The following KCNC1 variants were observed in gnomAD, a reference collection of about 807,000 sequenced individuals.
KCNC1 encodes the protein potassium voltage-gated channel subfamily C member 1, also known as voltage-gated potassium channel KCNC1.
KCNC1 carries 8 observed loss-of-function variants against 43.4 expected under a neutral mutation model. The ratio of observed to expected loss-of-function variants is 0.18; its 90% CI spans 0.11 to 0.33. The LOEUF is 0.33. Ranked by LOEUF, KCNC1 falls within the 10% of genes least tolerant of loss-of-function variation. The probability of loss-of-function intolerance (pLI) is 1.00; values close to 1 mark genes in which losing one functional copy is unlikely to be tolerated. For missense variants in KCNC1, 420 were observed against 836.0 expected (o/e 0.50, Z 6.14); for synonymous variants, 361 against 360.5 (o/e 1.00, Z -0.01).
chr11:17,776,193 TTC>T lies in KCNC1; in HGVS notation c.1505-3252_1505-3251del, dbSNP rs1255490668. 7.1e-6 allele frequency: 7 copies of T among 984,978 alleles called. No homozygotes were observed. Among genetic ancestry groups the T allele is most frequent in the African/African-American group, 3.5e-5 (2 of 57,184 alleles). 61.0% of individuals were successfully genotyped at this position (984,978 alleles called of 1,614,324 possible). On this transcript the variant is annotated intron_variant, in intron 2 of 3. Transcript: ENST00000265969. The surrounding 1 kb of genome is among the most constrained non-coding windows in gnomAD (Gnocchi z 4.4). Reference sequence around the variant, plus strand: ...TCCGTGTTGTTCACATTTTCTCTCTTTCTCTCTCTCTCCACTAATCATGTTTC... The same window carrying T: ...TCCGTGTTGTTCACATTTTCTCTCTTTCTCTCTCTCCACTAATCATGTTTC...
Position 17,776,251 on chromosome 11 carries a change from G to A in KCNC1, c.1505-3205G>A, listed in dbSNP as rs896839055. 4.1e-6 allele frequency: 4 copies of A among 985,126 alleles called. No homozygotes were observed. Among genetic ancestry groups the A allele is most frequent in the African/African-American group, 3.5e-5 (2 of 57,126 alleles). 61.0% of individuals were successfully genotyped at this position (985,126 alleles called of 1,614,324 possible). ...CTCTCCTCGTTTTGTTGCATGACTT[G>A]TGCCGGTTCTCGTGATTGTTCCCTG... On this transcript the variant is annotated intron_variant, in intron 2 of 3. Coordinates refer to ENST00000265969, the MANE Select transcript of KCNC1 (RefSeq NM_001112741.2). This position sits in a 1 kb window ranked among gnomAD's most constrained non-coding sequence, Gnocchi z 4.4.
chr11:17,777,410 G>T lies in KCNC1; in HGVS notation c.1505-2046G>T. The T allele has an allele frequency of 2.0e-6, 2 of 985,876 alleles. No homozygotes were observed. Among genetic ancestry groups the T allele is most frequent in the African/African-American group, 3.5e-5 (2 of 57,328 alleles). The allele number at this position is 985,876 out of a possible 1,614,324, so 61.1% of individuals were successfully genotyped here. A position where few individuals can be genotyped will look rare whatever the true frequency, so the allele number is the denominator to read the frequency against. On this transcript the variant is annotated intron_variant, in intron 2 of 3. Coordinates refer to ENST00000265969, the MANE Select transcript of KCNC1 (RefSeq NM_001112741.2). The surrounding 1 kb of genome is among the most constrained non-coding windows in gnomAD (Gnocchi z 4.3). Reference sequence around the variant, plus strand: ...TGTTCTCCCCTTGAGGAAAATCCATGCAGGGTGCTATGGGCCTCAACCCCC... The same window carrying T: ...TGTTCTCCCCTTGAGGAAAATCCATTCAGGGTGCTATGGGCCTCAACCCCC...
Position 17,777,475 on chromosome 11 carries a change from C to T in KCNC1, c.1505-1981C>T. On this transcript the variant is annotated intron_variant, in intron 2 of 3. Coordinates refer to ENST00000265969, the MANE Select transcript of KCNC1 (RefSeq NM_001112741.2). The surrounding 1 kb of genome is among the most constrained non-coding windows in gnomAD (Gnocchi z 4.3). The stretch of plus-strand genomic sequence containing the variant: ...GTCCTCTCCATACTGTTTCCCTCCC[C>T]TCTCCCAACACCCTCCTCCCTCAGC... The T allele has an allele frequency of 1.0e-6, 1 of 986,022 alleles. No individual in the cohort carries two copies. The highest frequency in any genetic ancestry group is 1.2e-6 in the Non-Finnish European group (1 of 830,002). The allele number at this position is 986,022 out of a possible 1,614,324, so 61.1% of individuals were successfully genotyped here.
chr11:17,753,597 G>A (rs914968590), intron 1 of KCNC1, among the ~76,000 whole-genome samples: 3 of 152,286 alleles, frequency 2.0e-5, no homozygotes, highest in Admixed American at 6.5e-5. Flanking sequence ...TAAACCAGCC[G>A]CTAAACTGCC....
Position 17,736,463 on chromosome 11 carries a change from G to A in KCNC1, c.461G>A (p.Arg154His). 1.2e-6 allele frequency: 2 copies of A among 1,601,764 alleles called. No individual in the cohort carries two copies. The highest frequency in any genetic ancestry group is 1.7e-6 in the Non-Finnish European group (2 of 1,177,452). Reference sequence around the variant, plus strand: ...GAGGACGAGCTGGAGATGACCAAGCGCCTGGCGCTCAGTGACTCCCCGGAT... The same window carrying A: ...GAGGACGAGCTGGAGATGACCAAGCACCTGGCGCTCAGTGACTCCCCGGAT... ...DGEDELEMTK[R>H]LALSDSPDGR... Residue 154 changes from arginine (R) to histidine (H), a missense_variant, in exon 1 of 4, where the codon CGC (arginine) becomes CAC (histidine). Around this residue, in one of 5 missense-constraint regions of KCNC1, gnomAD observed 151 missense variants for 216.7 expected, o/e 0.70. Transcript: ENST00000265969. This position sits in a 1 kb window ranked among gnomAD's most constrained non-coding sequence, Gnocchi z 9.3.
rs1849300576 is a variant in KCNC1 at position 17,777,590 on chromosome 11, C to T, written c.1505-1866C>T. On this transcript the variant is annotated intron_variant, in intron 2 of 3. Transcript: ENST00000265969. This position sits in a 1 kb window ranked among gnomAD's most constrained non-coding sequence, Gnocchi z 4.3. ...GCACACGTGTGTGCCTGCAGACATG[C>T]CCCAAGACCCCAGAGACGCCCCGGC... 2.0e-6 allele frequency: 2 copies of T among 985,726 alleles called. No homozygotes were observed. Among genetic ancestry groups the T allele is most frequent in the African/African-American group, 1.7e-5 (1 of 57,232 alleles). The allele number at this position is 985,726 out of a possible 1,614,324, so 61.1% of individuals were successfully genotyped here.
At chr11:17,760,472 T>G (rs2158478) in intron 1 of KCNC1, among the ~76,000 whole-genome samples, 79,679 of 151,718 alleles carry the variant, frequency 0.53, 23,100 homozygotes, top group East Asian at 0.88. Context: ...GGAGGAAGGC[T>G]CAGTCCACAG....
chr11:17,757,951 A>G (rs373708145), intron 1 of KCNC1, among the ~76,000 whole-genome samples: 43 of 152,322 alleles, frequency 2.8e-4, no homozygotes, highest in African/African-American at 9.9e-4. Flanking sequence ...TTTGTAAAGT[A>G]AGACAACAAA....
chr11:17,748,081 A>C (rs1285105921), intron 1 of KCNC1, among the ~76,000 whole-genome samples: 1 of 152,168 alleles, frequency 6.6e-6, no homozygotes, highest in Non-Finnish European at 1.5e-5. Flanking sequence ...CAAAGAACAA[A>C]ACCACCAAAA....
chr11:17,756,844 G>A (rs971815163), intron 1 of KCNC1, among the ~76,000 whole-genome samples: 3 of 152,202 alleles, frequency 2.0e-5, no homozygotes, highest in African/African-American at 7.2e-5. Context: ...AAGATAAACA[G>A]CTTTCTCCCA....
Position 17,771,644 on chromosome 11 carries a change from A to C in KCNC1, c.571-21A>C. The C allele has an allele frequency of 6.3e-7, 1 of 1,588,762 alleles. No homozygotes were observed. The highest frequency in any genetic ancestry group is 1.3e-5 in the African/African-American group (1 of 74,566). On this transcript the variant is annotated intron_variant, in intron 1 of 3. Coordinates refer to ENST00000265969, the MANE Select transcript of KCNC1 (RefSeq NM_001112741.2). This position sits in a 1 kb window ranked among gnomAD's most constrained non-coding sequence, Gnocchi z 4.7. ...CACTCTGGGTGGGCCTCCCTCTGACACTGTGTCTTTATCCCCACAGTATGT... is the reference window on the plus strand; with the variant it reads ...CACTCTGGGTGGGCCTCCCTCTGACCCTGTGTCTTTATCCCCACAGTATGT...
At position 17,772,464 on chromosome 11, in the gene KCNC1, A is replaced by G. The variant is rs545364229; in HGVS notation, c.1370A>G (p.Lys457Arg). The G allele has an allele frequency of 4.6e-5, 75 of 1,614,196 alleles. 1 individual carries two copies. In the South Asian group the frequency reaches 8.0e-4, roughly 17 times the overall value. ...MAKQKLPKKK[K>R]KHIPRPPQLG... The stretch of plus-strand genomic sequence containing the variant: ...AAGCAGAAACTACCAAAGAAAAAAA[A>G]GAAGCATATTCCGCGGCCACCGCAG... The change falls in exon 2 of 4, where the codon AAG (lysine) becomes AGG (arginine). Residue 457 changes from lysine to arginine, a missense_variant. By Grantham distance (26) the Lys-to-Arg change is conservative (BLOSUM62 2). Coordinates refer to ENST00000265969, the MANE Select transcript of KCNC1 (RefSeq NM_001112741.2).
At chr11:17,743,072 G>A (rs1848860038) in intron 1 of KCNC1, among the ~76,000 whole-genome samples, 1 of 152,166 alleles carries the variant, frequency 6.6e-6, no homozygotes, top group Admixed American at 6.5e-5. Flanking sequence ...ATCACGCAGT[G>A]TCAGACACTG....
In KCNC1 at chr11:17,776,121, T is replaced by G. The variant is rs548707811; in HGVS notation, c.1505-3335T>G. ...GTCCTCAGGTGGGCTGTGGGGGAAGTAGCGGAGAAATGAAGTGACGCCAGG... is the reference window on the plus strand; with the variant it reads ...GTCCTCAGGTGGGCTGTGGGGGAAGGAGCGGAGAAATGAAGTGACGCCAGG... On this transcript the variant is annotated intron_variant, in intron 2 of 3. Coordinates refer to ENST00000265969, the MANE Select transcript of KCNC1 (RefSeq NM_001112741.2). This position sits in a 1 kb window ranked among gnomAD's most constrained non-coding sequence, Gnocchi z 4.4. 78 of 985,446 alleles carry G rather than the reference T, an allele frequency of 7.9e-5. No individual in the cohort carries two copies. The African/African-American group carries it at 1.2e-3, about 15-fold the overall frequency. The allele number at this position is 985,446 out of a possible 1,614,324, so 61.0% of individuals were successfully genotyped here. A position where few individuals can be genotyped will look rare whatever the true frequency, so the allele number is the denominator to read the frequency against.
intron 1 of KCNC1, among the ~76,000 whole-genome samples, chr11:17,763,159 C>A (rs1355376765): frequency 6.6e-6 from 1 of 152,086 alleles, no homozygotes; most frequent in African/African-American, 2.4e-5. Context: ...TGGACGTCTG[C>A]GCCGGGACGC....
rs774087624 is a variant in KCNC1 at position 17,771,776 on chromosome 11, C to A, written c.682C>A (p.Arg228Ser). Reference sequence around the variant, plus strand: ...GAACAAGACGGAGATCGAGAACGTTCGCAATGGCACGCAAGTGCGCTACTA... The same window carrying A: ...GAACAAGACGGAGATCGAGAACGTTAGCAATGGCACGCAAGTGCGCTACTA... Reference protein sequence around the residue: ...IVNKTEIENVRNGTQVRYYRE... With the variant: ...IVNKTEIENVSNGTQVRYYRE... The change falls in exon 2 of 4, where the codon CGC becomes AGC. Residue 228 changes from arginine (R) to serine (S), a missense_variant. This residue lies in a region of KCNC1 where 151 missense variants were observed against 216.7 expected (regional missense o/e 0.70). Coordinates refer to ENST00000265969, the MANE Select transcript of KCNC1 (RefSeq NM_001112741.2). The surrounding 1 kb of genome is among the most constrained non-coding windows in gnomAD (Gnocchi z 4.7). 4 of 1,614,234 alleles carry A rather than the reference C, an allele frequency of 2.5e-6. No homozygotes were observed. The South Asian group carries it at 3.3e-5, about 13-fold the overall frequency.
intron 1 of KCNC1, among the ~76,000 whole-genome samples, chr11:17,753,721 G>A (rs1848993909): frequency 6.6e-6 from 1 of 152,074 alleles, no homozygotes; most frequent in Admixed American, 6.5e-5. Context: ...GAGGGGGCGG[G>A]TGGCAATGGG....
chr11:17,774,932 C>A (rs182183595), intron 2 of KCNC1: 1 of 985,482 alleles, frequency 1.0e-6, no homozygotes, highest in Non-Finnish European at 1.2e-6. Context: ...GCGTGTGAGA[C>A]CCCGGCTATC....
At chr11:17,749,380 C>CTAA (rs1265517178) in intron 1 of KCNC1, among the ~76,000 whole-genome samples, 1 of 152,222 alleles carries the variant, frequency 6.6e-6, no homozygotes. Flanking sequence ...GAATATGAAT[C>CTAA]TAATACCTGA....
Sources: gnomAD v4.1 joint callset for allele counts (sites outside exome capture counted in the v4.1 genomes callset) on GRCh38, gnomAD v4.1.1 for gene constraint, gnomAD v4.1.1 regional missense constraint, Gnocchi (gnomAD v3.1) non-coding constraint, MANE v1.5 for transcripts, NCBI Gene and HGNC (gene_info 2026-07-23, HGNC 2026-07-21) for gene names.